The following CACNA2D1 variants were observed in gnomAD, a reference collection of about 807,000 sequenced individuals.
The protein encoded by CACNA2D1 is voltage-dependent calcium channel subunit alpha-2/delta-1.
Under a neutral mutation model 171.5 loss-of-function variants are expected in CACNA2D1, and 53 were observed. The ratio of observed to expected loss-of-function variants is 0.31; its 90% CI spans 0.25 to 0.39. The LOEUF (loss-of-function observed/expected upper bound fraction) is 0.39, where lower values mean the gene tolerates loss of function less well. Among genes scored for constraint, CACNA2D1 ranks in the 10% least tolerant of loss-of-function variants. The probability of loss-of-function intolerance (pLI) is 1.00; values close to 1 mark genes in which losing one functional copy is unlikely to be tolerated. For missense variants in CACNA2D1, 903 were observed against 1,299.8 expected, an observed-to-expected ratio of 0.69 and a Z score of 4.69; for synonymous variants, 442 against 443.1, an observed-to-expected ratio of 1.00 and a Z score of 0.03.
At chr7:82,321,895 G>C (rs1451660679) in intron 3 of CACNA2D1, among the ~76,000 whole-genome samples, 1 of 150,816 alleles carries the variant, frequency 6.6e-6, no homozygotes, top group African/African-American at 2.4e-5. Flanking sequence ...GGGAGGCCGA[G>C]GCGGGCGGAT....
chr7:82,375,037 A>G (rs147534499), intron 1 of CACNA2D1, among the ~76,000 whole-genome samples: 1 of 152,336 alleles, frequency 6.6e-6, no homozygotes, highest in Non-Finnish European at 1.5e-5. Flanking sequence ...GCGAAGGAAT[A>G]TAAGAGATTT....
At chr7:82,311,033 T>C (rs1345589946) in intron 3 of CACNA2D1, among the ~76,000 whole-genome samples, 1 of 152,166 alleles carries the variant, frequency 6.6e-6, no homozygotes, top group Non-Finnish European at 1.5e-5. Flanking sequence ...AAATGATGTT[T>C]AATCTTCTTT....
intron 3 of CACNA2D1, among the ~76,000 whole-genome samples, chr7:82,296,882 G>C (rs1236685005): frequency 6.6e-6 from 1 of 151,912 alleles, no homozygotes; most frequent in Non-Finnish European, 1.5e-5. Flanking sequence ...GACTGCCTAT[G>C]TATCTGCAAA....
intron 3 of CACNA2D1, among the ~76,000 whole-genome samples, chr7:82,222,702 G>A (rs564411611): frequency 1.7e-3 from 251 of 151,628 alleles, no homozygotes; most frequent in Middle Eastern, 0.01. Flanking sequence ...TTATTATAAA[G>A]CTGAGCTCTT....
chr7:82,036,037 G>A (rs1308989161), intron 11 of CACNA2D1, among the ~76,000 whole-genome samples: 1 of 152,000 alleles, frequency 6.6e-6, no homozygotes, highest in Non-Finnish European at 1.5e-5. Context: ...CAACATATCT[G>A]AAACTGAGCT....
Position 82,032,824 on chromosome 7 carries a change from T to C in CACNA2D1, c.1116A>G (p.Ile372Met). 6 of 1,572,760 alleles carry C rather than the reference T, an allele frequency of 3.8e-6. No individual in the cohort carries two copies. The highest frequency in any genetic ancestry group is 5.2e-6 in the Non-Finnish European group (6 of 1,144,780). ...TDGGEERAQEIFNKYNKDKKV... is the reference protein window; with the variant it reads ...TDGGEERAQEMFNKYNKDKKV... ...TTTTATCTTTATTGTATTTGTTAAA[T>C]ATCTCCTGGGCTCTCTCTTCTCCTC... Residue 372 changes from isoleucine to methionine, a missense_variant, in exon 12 of 39, where the codon ATA becomes ATG. By Grantham distance (10) the Ile-to-Met change is conservative (BLOSUM62 1). Coordinates refer to ENST00000356860, the MANE Select transcript of CACNA2D1 (RefSeq NM_000722.4).
chr7:82,270,177 T>C (rs1808432646), intron 3 of CACNA2D1, among the ~76,000 whole-genome samples: 1 of 152,144 alleles, frequency 6.6e-6, no homozygotes, highest in South Asian at 2.1e-4. Context: ...CTGTTAATCT[T>C]TGTTTTTGTT....
chr7:82,194,689 TG>T (rs1330753412), intron 3 of CACNA2D1, among the ~76,000 whole-genome samples: 1 of 151,930 alleles, frequency 6.6e-6, no homozygotes, highest in African/African-American at 2.4e-5. Context: ...TCTTCAGATT[TG>T]GGGAAAGGGC....
chr7:82,375,740 A>G, intron 1 of CACNA2D1, among the ~76,000 whole-genome samples: 1 of 152,180 alleles, frequency 6.6e-6, no homozygotes, highest in African/African-American at 2.4e-5. Flanking sequence ...TATTTAGCAC[A>G]GTGCTTAGTA....
intron 3 of CACNA2D1, among the ~76,000 whole-genome samples, chr7:82,190,664 C>T (rs1442037290): frequency 1.3e-5 from 2 of 151,614 alleles, no homozygotes; most frequent in Non-Finnish European, 1.5e-5. Flanking sequence ...AGCTTTGGGC[C>T]ATTTTCAATA....
chr7:82,076,480 TGA>T (rs962509679), intron 7 of CACNA2D1, among the ~76,000 whole-genome samples: 15 of 152,136 alleles, frequency 9.9e-5, no homozygotes, highest in Non-Finnish European at 2.2e-4. Context: ...ACTTAAAAAA[TGA>T]TACTCAACTG....
intron 6 of CACNA2D1, among the ~76,000 whole-genome samples, chr7:82,114,470 C>T (rs538688263): frequency 1.1e-4 from 16 of 152,246 alleles, no homozygotes; most frequent in Middle Eastern, 3.4e-3. Context: ...AGAGGGCCGG[C>T]GTGGGGGCTC....
intron 3 of CACNA2D1, among the ~76,000 whole-genome samples, chr7:82,316,279 T>C (rs1815111295): frequency 6.6e-6 from 1 of 152,218 alleles, no homozygotes; most frequent in African/African-American, 2.4e-5. Context: ...AGTCTCTCAC[T>C]GAATAGCATT....
At chr7:82,054,628 T>A (rs1805585812) in intron 10 of CACNA2D1, among the ~76,000 whole-genome samples, 1 of 152,212 alleles carries the variant, frequency 6.6e-6, no homozygotes, top group Admixed American at 6.5e-5. Flanking sequence ...CAGTGACTAT[T>A]CTGGGGAAAA....
At chr7:82,166,844 G>A (rs1563146281) in intron 4 of CACNA2D1, among the ~76,000 whole-genome samples, 1 of 152,044 alleles carries the variant, frequency 6.6e-6, no homozygotes, top group East Asian at 1.9e-4. Context: ...CCTCAATTGT[G>A]TATTCAGTTG....
chr7:82,392,502 G>A (rs1029973038), intron 1 of CACNA2D1, among the ~76,000 whole-genome samples: 2 of 152,144 alleles, frequency 1.3e-5, no homozygotes, highest in African/African-American at 4.8e-5. Flanking sequence ...GGGGGGCTGG[G>A]ACACACTCTG....
chr7:82,168,310 A>G lies in CACNA2D1; in HGVS notation c.354+2240T>C, dbSNP rs181553176. ...AGGCATGCACCACCACGCACAGCTAATTTTTGTATTTTTAGTGGAGATAGG... is the reference window on the plus strand; with the variant it reads ...AGGCATGCACCACCACGCACAGCTAGTTTTTGTATTTTTAGTGGAGATAGG... On this transcript the variant is annotated intron_variant, in intron 4 of 38. Transcript: ENST00000356860. Among the ~76,000 whole-genome samples the G allele has an allele frequency of 1.5e-4, 23 of 152,114 alleles. No homozygotes were observed. The East Asian group carries it at 4.5e-3, about 30-fold the overall frequency.
At chr7:82,354,109 A>G (rs1433002777) in intron 1 of CACNA2D1, among the ~76,000 whole-genome samples, 1 of 152,174 alleles carries the variant, frequency 6.6e-6, no homozygotes, top group African/African-American at 2.4e-5. Context: ...TCCAAGAAGT[A>G]CTGAATAAAC....
chr7:82,338,722 A>C (rs1308797568), intron 2 of CACNA2D1, among the ~76,000 whole-genome samples: 1 of 152,178 alleles, frequency 6.6e-6, no homozygotes, highest in Admixed American at 6.5e-5. Context: ...GTGAGTGGTA[A>C]TGTGGCATAT....
Sources: allele counts gnomAD v4.1 joint callset (sites outside exome capture counted in the v4.1 genomes callset), GRCh38; gene constraint gnomAD v4.1.1; transcripts MANE v1.5; gene names NCBI Gene and HGNC (gene_info 2026-07-23, HGNC 2026-07-21).